Variants in LUM observed in about 807,000 individuals in gnomAD.
LUM encodes lumican, also known as KSPG lumican.
LUM carries 13 observed loss-of-function variants against 20.5 expected under a neutral mutation model. That is an observed-to-expected ratio of 0.63 (90% CI 0.41 to 1.01). The LOEUF (loss-of-function observed/expected upper bound fraction) is 1.01, where lower values mean the gene tolerates loss of function less well. Among genes scored for constraint, LUM ranks in the 50% least tolerant of loss-of-function variants. The pLI is 0.00. For synonymous variants in LUM, 173 were observed against 151.5 expected (o/e 1.14, Z -1.04); for missense variants, 321 against 391.1 (o/e 0.82, Z 1.51).
intron 2 of LUM, among the ~76,000 whole-genome samples, chr12:91,107,261 A>AAG (rs780228247): frequency 2.0e-4 from 10 of 49,644 alleles, no homozygotes; most frequent in Non-Finnish European, 4.8e-4. Context: ...GAAAGAAAGA[A>AAG]AGAAAGAAAG....
intron 1 of LUM, among the ~76,000 whole-genome samples, chr12:91,110,860 G>A (rs1039688074): frequency 2.6e-5 from 4 of 151,950 alleles, no homozygotes; most frequent in South Asian, 2.1e-4. Context: ...TAAAAAACTC[G>A]TTCCTTAAGG....
At position 91,108,546 on chromosome 12, in the gene LUM, G is replaced by A; in HGVS notation, c.434C>T (p.Thr145Ile). The change falls in exon 2 of 3, where the codon ACT becomes ATT. Residue 145 changes from threonine to isoleucine, a missense_variant. By Grantham distance (89) the Thr-to-Ile change is moderately conservative. Transcript: ENST00000266718. The surrounding 1 kb of genome is among the most constrained non-coding windows in gnomAD (Gnocchi z 4.2). ...GCCCAGCTTTGTGATCTTGTTATGA[G>A]TAAGCTGCAGATCCTCCAGAGATTT... ...LPKSLEDLQL[T>I]HNKITKLGSF... is the part of the protein sequence containing the mutation. 1.9e-6 allele frequency: 3 copies of A among 1,611,446 alleles called. No homozygotes were observed. Among genetic ancestry groups the A allele is most frequent in the Non-Finnish European group, 2.5e-6 (3 of 1,178,042 alleles).
intron 2 of LUM, among the ~76,000 whole-genome samples, chr12:91,107,345 G>GAAA (rs1491216523): frequency 2.8e-5 from 4 of 143,478 alleles, no homozygotes; most frequent in East Asian, 2.4e-4. Context: ...AAGAAAGAAA[G>GAAA]GGAAAGAAAG....
intron 2 of LUM, among the ~76,000 whole-genome samples, chr12:91,106,353 A>G (rs1475608540): frequency 6.6e-6 from 1 of 152,140 alleles, no homozygotes; most frequent in African/African-American, 2.4e-5. Flanking sequence ...ATTACTTTAT[A>G]TGTGAATCAA....
Position 91,104,025 on chromosome 12 carries a change from T to A in LUM, c.*140A>T. On this transcript the variant is annotated 3_prime_UTR_variant, in exon 3 of 3. Transcript: ENST00000266718. ...ATAGGCCTGCCTTTCATCTTTTCTTTAAAAAAAATAAATGTTTACAAAACA... is the reference window on the plus strand; with the variant it reads ...ATAGGCCTGCCTTTCATCTTTTCTTAAAAAAAAATAAATGTTTACAAAACA... The A allele has an allele frequency of 5.8e-6, 4 of 693,596 alleles. No individual in the cohort carries two copies. Among genetic ancestry groups the A allele is most frequent in the Non-Finnish European group, 7.0e-6 (3 of 428,302 alleles). The allele number at this position is 693,596 out of a possible 1,614,324, so 43.0% of individuals were successfully genotyped here. A position where few individuals can be genotyped will look rare whatever the true frequency, so the allele number is the denominator to read the frequency against.
intron 2 of LUM, among the ~76,000 whole-genome samples, chr12:91,107,864 C>A (rs1207964883): frequency 6.6e-6 from 1 of 151,862 alleles, no homozygotes; most frequent in African/African-American, 2.4e-5. Flanking sequence ...TACAGAAGTG[C>A]GACACCACGC....
At chr12:91,109,870 A>G (rs971139090) in intron 1 of LUM, among the ~76,000 whole-genome samples, 18 of 152,138 alleles carry the variant, frequency 1.2e-4, no homozygotes, top group Admixed American at 1.1e-3. Context: ...CGAAGATGCC[A>G]TGGTTTGCAT....
At chr12:91,107,524 A>C in intron 2 of LUM, among the ~76,000 whole-genome samples, 1 of 152,116 alleles carries the variant, frequency 6.6e-6, no homozygotes, top group East Asian at 1.9e-4. Flanking sequence ...ATAAAGGAGA[A>C]AATAATAAGA....
intron 1 of LUM, among the ~76,000 whole-genome samples, chr12:91,111,064 T>C (rs1175194981): frequency 6.6e-6 from 1 of 152,194 alleles, no homozygotes; most frequent in African/African-American, 2.4e-5. Flanking sequence ...AGTATTAGGG[T>C]CCAATACTAA....
chr12:91,107,283 GAAAGAGAAAGAAAGAAAGAAAGAA>G lies in LUM; in HGVS notation c.862+811_862+834del, dbSNP rs1440749782. Reference sequence around the variant, plus strand: ...AGAAAGAAAGAAAGAAAGAAAGAAAGAAAGAGAAAGAAAGAAAGAAAGAAAGAAAGAAAGAAAGAAAGAAAGAAA... The same window carrying G: ...AGAAAGAAAGAAAGAAAGAAAGAAAGAGAAAGAAAGAAAGAAAGAAAGAAA... On this transcript the variant is annotated intron_variant, in intron 2 of 2. Transcript: ENST00000266718. Among the ~76,000 whole-genome samples the G allele has an allele frequency of 1.1e-3, 94 of 86,724 alleles. No homozygotes were observed. In the East Asian group the frequency reaches 0.012, roughly 11 times the overall value. The allele number at this position is 86,724 out of a possible 152,430, so 56.9% of individuals were successfully genotyped here.
intron 2 of LUM, among the ~76,000 whole-genome samples, chr12:91,107,543 T>C (rs1880110031): frequency 6.6e-6 from 1 of 151,978 alleles, no homozygotes; most frequent in South Asian, 2.1e-4. Flanking sequence ...GAGATATATA[T>C]GAGGAGGTAA....
chr12:91,111,335 G>A (rs764933193), intron 1 of LUM, 63 bp downstream of exon 1: 2 of 152,180 alleles, frequency 1.3e-5, no homozygotes, highest in Non-Finnish European at 2.9e-5. Flanking sequence ...TCCTGTTCCT[G>A]TTACAAAAAA....
chr12:91,108,021 GT>G lies in LUM; in HGVS notation c.862+96del, dbSNP rs1040750536. 16 of 1,413,858 alleles carry G rather than the reference GT, an allele frequency of 1.1e-5. No homozygotes were observed. In the East Asian group the frequency reaches 3.0e-4, roughly 26 times the overall value. 87.6% of individuals were successfully genotyped at this position (1,413,858 alleles called of 1,614,324 possible). A position where few individuals can be genotyped will look rare whatever the true frequency, so the allele number is the denominator to read the frequency against. On this transcript the variant is annotated intron_variant, in intron 2 of 2. Transcript: ENST00000266718. This position sits in a 1 kb window ranked among gnomAD's most constrained non-coding sequence, Gnocchi z 4.2. ...AGCCACAGCGCCCGGGCGACATTTTGTTTTTTTAATGGAGCCAGATGCAATA... is the reference window on the plus strand; with the variant it reads ...AGCCACAGCGCCCGGGCGACATTTTGTTTTTTAATGGAGCCAGATGCAATA...
Position 91,104,136 on chromosome 12 carries a change from C to G in LUM, c.*29G>C. 6.3e-7 allele frequency: 1 copy of G among 1,580,140 alleles called. No individual in the cohort carries two copies. Among genetic ancestry groups the G allele is most frequent in the Non-Finnish European group, 8.7e-7 (1 of 1,152,032 alleles). Reference sequence around the variant, plus strand: ...AAAACTGACACACAGAAAAACATAACCATAAAATATTGTTCCAGGATACAG... The same window carrying G: ...AAAACTGACACACAGAAAAACATAAGCATAAAATATTGTTCCAGGATACAG... On this transcript the variant is annotated 3_prime_UTR_variant, in exon 3 of 3. Transcript: ENST00000266718.
chr12:91,109,164 A>AC (rs1030746638), intron 1 of LUM, among the ~76,000 whole-genome samples, 164 bp from the exon 2 acceptor site: 1 of 152,164 alleles, frequency 6.6e-6, no homozygotes, highest in African/African-American at 2.4e-5. Flanking sequence ...AGGTATGAGG[A>AC]CAAAGGTGTA....
At chr12:91,104,461 C>T (rs1047536543) in intron 2 of LUM, 142 bp from the exon 3 acceptor site, 3 of 576,304 alleles carry the variant, frequency 5.2e-6, no homozygotes, top group Non-Finnish European at 8.6e-6. Context: ...TTTGAATTTG[C>T]AACCATTAAA....
chr12:91,107,220 AAAG>A (rs570693721), intron 2 of LUM, among the ~76,000 whole-genome samples: 1,958 of 58,126 alleles, frequency 0.034, 119 homozygotes, highest in African/African-American at 0.091. Context: ...AGAAAGAGAG[AAAG>A]AAGAAAGAAA....
At chr12:91,107,311 A>G (rs866920176) in intron 2 of LUM, among the ~76,000 whole-genome samples, 1,387 of 138,692 alleles carry the variant, frequency 0.01, 28 homozygotes, top group African/African-American at 0.037. Context: ...GAAAGAAAGA[A>G]AGAAAGAAAG....
intron 2 of LUM, among the ~76,000 whole-genome samples, chr12:91,107,223 G>A (rs867361338): frequency 3.2e-4 from 15 of 46,764 alleles, no homozygotes; most frequent in Non-Finnish European, 6.9e-4. Flanking sequence ...AAGAGAGAAA[G>A]AAGAAAGAAA....
Sources: gnomAD v4.1 joint callset for allele counts (sites outside exome capture counted in the v4.1 genomes callset) on GRCh38, gnomAD v4.1.1 for gene constraint, Gnocchi (gnomAD v3.1) non-coding constraint, MANE v1.5 for transcripts, NCBI Gene and HGNC (gene_info 2026-07-23, HGNC 2026-07-21) for gene names.